ADAMTSL1: variants seen among roughly 807,000 people sequenced by gnomAD.
ADAMTSL1 encodes the protein ADAMTS like 1, also known as ADAMTS-like protein 1.
A neutral mutation model predicts 201.8 loss-of-function variants in ADAMTSL1; 126 were observed. That is an observed-to-expected ratio of 0.62 (90% CI 0.54 to 0.72). ADAMTSL1 has a LOEUF of 0.72. Ranked by LOEUF, ADAMTSL1 falls within the 30% of genes least tolerant of loss-of-function variation. The pLI is 0.00. For missense variants in ADAMTSL1, 2,679 were observed against 2,277.8 expected, an observed-to-expected ratio of 1.18 and a Z score of -3.59; for synonymous variants, 1,121 against 903.4, an observed-to-expected ratio of 1.24 and a Z score of -4.32.
chr9:18,501,503 C>CA lies in ADAMTSL1; in HGVS notation c.64-3305dup, dbSNP rs397894789. Among the ~76,000 whole-genome samples, 352 of 92,868 alleles carry CA rather than the reference C, an allele frequency of 3.8e-3. 6 individuals carry two copies. The highest frequency in any genetic ancestry group is 0.019 in the South Asian group (57 of 2,976). The allele number at this position is 92,868 out of a possible 152,430, so 60.9% of individuals were successfully genotyped here. ...TGGGCAACAAAGTAAGACACGGTCT[C>CA]AAAAAAAAAAAAAAAAAAAAAGTAA... On this transcript the variant is annotated intron_variant, in intron 1 of 28. Coordinates refer to ENST00000380548, the MANE Select transcript of ADAMTSL1 (RefSeq NM_001040272.6).
At chr9:18,735,964 C>G (rs1818481564) in intron 15 of ADAMTSL1, among the ~76,000 whole-genome samples, 1 of 151,448 alleles carries the variant, frequency 6.6e-6, no homozygotes. Context: ...CTTTTCCTGC[C>G]TCAACTTCCA....
intron 1 of ADAMTSL1, among the ~76,000 whole-genome samples, chr9:18,064,166 C>G (rs1366207198): frequency 6.6e-6 from 1 of 152,124 alleles, no homozygotes; most frequent in Non-Finnish European, 1.5e-5. Flanking sequence ...CCAAGCTTCC[C>G]CCTGGGAGTG....
At chr9:18,506,791 A>G (rs1253578705) in intron 2 of ADAMTSL1, among the ~76,000 whole-genome samples, 1 of 152,296 alleles carries the variant, frequency 6.6e-6, no homozygotes, top group Non-Finnish European at 1.5e-5. Context: ...CAGTAATCTC[A>G]TACAAGGCTG....
intron 2 of ADAMTSL1, among the ~76,000 whole-genome samples, chr9:18,257,933 G>A (rs1338019964): frequency 1.3e-5 from 2 of 152,284 alleles, no homozygotes; most frequent in Middle Eastern, 3.4e-3. Flanking sequence ...AGACAGAAAC[G>A]AGAATTGAGA....
intron 26 of ADAMTSL1, among the ~76,000 whole-genome samples, chr9:18,896,505 T>A (rs941034652): frequency 1.3e-5 from 2 of 151,384 alleles, no homozygotes; most frequent in Non-Finnish European, 2.9e-5. Flanking sequence ...AAATGGGGAG[T>A]CAATTTGGCA....
intron 2 of ADAMTSL1, among the ~76,000 whole-genome samples, chr9:18,299,540 A>C (rs892528177): frequency 3.9e-5 from 6 of 152,278 alleles, no homozygotes; most frequent in Admixed American, 3.9e-4. Flanking sequence ...TCAGGGAGAG[A>C]ACACAAGGAA....
At chr9:18,356,453 A>G (rs1193282863) in intron 2 of ADAMTSL1, among the ~76,000 whole-genome samples, 1 of 149,816 alleles carries the variant, frequency 6.7e-6, no homozygotes, top group African/African-American at 2.5e-5. Context: ...AATTGAACCT[A>G]GAAGTTCAAG....
intron 1 of ADAMTSL1, among the ~76,000 whole-genome samples, chr9:18,123,816 G>A (rs1325590384): frequency 6.6e-6 from 1 of 152,126 alleles, no homozygotes; most frequent in Non-Finnish European, 1.5e-5. Flanking sequence ...CTCTGGATTT[G>A]CATATTCTGG....
intron 2 of ADAMTSL1, among the ~76,000 whole-genome samples, chr9:18,303,979 T>C (rs1833805241): frequency 6.6e-6 from 1 of 152,152 alleles, no homozygotes; most frequent in Non-Finnish European, 1.5e-5. Context: ...CCCAGAGCTC[T>C]CCACCCGTTC....
chr9:18,893,986 C>T (rs1410127480), intron 26 of ADAMTSL1, among the ~76,000 whole-genome samples: 1 of 152,110 alleles, frequency 6.6e-6, no homozygotes, highest in Non-Finnish European at 1.5e-5. Flanking sequence ...GAATGTGTCC[C>T]ATATAAGCAT....
intron 2 of ADAMTSL1, among the ~76,000 whole-genome samples, chr9:18,178,231 G>A (rs1228932834): frequency 6.6e-6 from 1 of 152,172 alleles, no homozygotes; most frequent in African/African-American, 2.4e-5. Flanking sequence ...AAGGGGTCAG[G>A]GAGTTCCCTT....
intron 23 of ADAMTSL1, among the ~76,000 whole-genome samples, chr9:18,884,929 C>A (rs1828758770): frequency 1.3e-5 from 2 of 152,124 alleles, no homozygotes; most frequent in South Asian, 4.1e-4. Context: ...CAAAATATAT[C>A]ATTGGGATTT....
intron 23 of ADAMTSL1, among the ~76,000 whole-genome samples, chr9:18,864,578 G>A (rs1370904966): frequency 6.6e-6 from 1 of 152,190 alleles, no homozygotes; most frequent in Non-Finnish European, 1.5e-5. Flanking sequence ...TATGCTACCA[G>A]TATTAAAGTT....
At chr9:18,087,493 A>C (rs7350308) in intron 1 of ADAMTSL1, among the ~76,000 whole-genome samples, 43,834 of 151,956 alleles carry the variant, frequency 0.29, 8,055 homozygotes, top group Non-Finnish European at 0.4. Flanking sequence ...CAAAATTTTT[A>C]ATTTTTTTAA....
At chr9:18,130,476 T>C (rs1057028865) in intron 1 of ADAMTSL1, among the ~76,000 whole-genome samples, 2 of 152,206 alleles carry the variant, frequency 1.3e-5, no homozygotes, top group Admixed American at 6.5e-5. Flanking sequence ...TTTATGCACA[T>C]CTGTTATGCC....
chr9:18,417,367 G>GAAAAAAAAAAAAAAAAAA (rs80226819), intron 2 of ADAMTSL1, among the ~76,000 whole-genome samples: 4 of 64,646 alleles, frequency 6.2e-5, no homozygotes, highest in African/African-American at 1.3e-4. Context: ...AAGTAAGCAG[G>GAAAAAAAAAAAAAAAAAA]AAAAAAAAAA....
rs1370192758 is a variant in ADAMTSL1, at chr9:18,661,971, G to A, written c.983G>A (p.Arg328Lys). ...QLTSAECYDL[R>K]SNRVVADQYC... ...ACATCGGCTGAGTGCTACGATCTGA[G>A]GAGCAACCGTGTGGTTGCTGACCAA... Residue 328 changes from arginine (R) to lysine (K), a missense_variant, in exon 9 of 29, where the codon AGG (arginine) becomes AAG (lysine). Arg to Lys is a conservative substitution (Grantham distance 26, BLOSUM62 2). Coordinates refer to ENST00000380548, the MANE Select transcript of ADAMTSL1 (RefSeq NM_001040272.6). 6.2e-7 allele frequency: 1 copy of A among 1,613,886 alleles called. No homozygotes were observed. The highest frequency in any genetic ancestry group is 8.5e-7 in the Non-Finnish European group (1 of 1,179,856).
At chr9:18,228,903 T>C (rs932922088) in intron 2 of ADAMTSL1, among the ~76,000 whole-genome samples, 7 of 151,160 alleles carry the variant, frequency 4.6e-5, no homozygotes, top group African/African-American at 1.5e-4. Flanking sequence ...GTCTCACACA[T>C]TCTCTTTAGA....
chr9:18,527,822 GA>G (rs1819182190), intron 2 of ADAMTSL1, among the ~76,000 whole-genome samples: 1 of 152,130 alleles, frequency 6.6e-6, no homozygotes, highest in Non-Finnish European at 1.5e-5. Context: ...GTAAAATGGT[GA>G]TTAAGCAAAT....
Sources: gnomAD v4.1 joint callset for allele counts (sites outside exome capture counted in the v4.1 genomes callset) on GRCh38, gnomAD v4.1.1 for gene constraint, MANE v1.5 for transcripts, NCBI Gene and HGNC (gene_info 2026-07-23, HGNC 2026-07-21) for gene names.